Variants in TAFA1 observed in about 807,000 individuals in gnomAD.
TAFA1 encodes the protein TAFA chemokine like family member 1, also known as chemokine-like protein TAFA-1.
TAFA1 carries 4 observed loss-of-function variants against 18.5 expected under a neutral mutation model. That is an observed-to-expected ratio of 0.22 (90% CI 0.11 to 0.49). TAFA1 has a LOEUF of 0.49. TAFA1 is among the 20% of genes least tolerant of loss of function. The pLI, the probability that TAFA1 is intolerant of heterozygous loss-of-function variation, is 0.98. For synonymous variants in TAFA1, 56 were observed against 55.2 expected, an observed-to-expected ratio of 1.01 and a Z score of -0.06; for missense variants, 147 against 169.0, an observed-to-expected ratio of 0.87 and a Z score of 0.72.
chr3:68,538,793 G>T lies in TAFA1; in HGVS notation c.297G>T (p.Glu99Asp), dbSNP rs767581993. 3.1e-6 allele frequency: 5 copies of T among 1,613,436 alleles called. No homozygotes were observed. The highest frequency in any genetic ancestry group is 8.5e-7 in the Non-Finnish European group (1 of 1,179,634). The change falls in exon 4 of 5, where the codon GAG becomes GAT. Residue 99 changes from glutamate (E) to aspartate (D), a missense_variant. Transcript: ENST00000478136. ...IVIGKWWCEM[E>D]PCLEGEECKT... ...TTGGGAAATGGTGGTGTGAGATGGA[G>T]CCTTGCCTAGAAGGAGAAGAATGTA... is the stretch of plus-strand genomic sequence containing the variant.
chr3:68,216,629 A>T (rs1442361606), intron 2 of TAFA1, among the ~76,000 whole-genome samples: 1 of 152,122 alleles, frequency 6.6e-6, no homozygotes, highest in African/African-American at 2.4e-5. Flanking sequence ...AGTTTCCAAT[A>T]GTATGACTCA....
chr3:68,109,799 G>C (rs753647020), intron 2 of TAFA1, among the ~76,000 whole-genome samples: 17 of 152,072 alleles, frequency 1.1e-4, no homozygotes, highest in African/African-American at 2.4e-5. Flanking sequence ...TGTTTAGAGA[G>C]AATGGTAGAG....
chr3:68,509,902 A>G (rs1479950529), intron 3 of TAFA1, among the ~76,000 whole-genome samples: 1 of 152,152 alleles, frequency 6.6e-6, no homozygotes, highest in African/African-American at 2.4e-5. Flanking sequence ...TGCTGAGGCA[A>G]CTGGCTCCAG....
intron 2 of TAFA1, among the ~76,000 whole-genome samples, chr3:68,190,805 T>C (rs538922125): frequency 1.3e-5 from 2 of 151,986 alleles, no homozygotes; most frequent in Admixed American, 6.6e-5. Flanking sequence ...GATAAATTTT[T>C]CATTTATTCC....
chr3:68,368,793 G>T (rs1248220441), intron 2 of TAFA1, among the ~76,000 whole-genome samples: 1 of 152,154 alleles, frequency 6.6e-6, no homozygotes, highest in Non-Finnish European at 1.5e-5. Context: ...GGGAAAATGA[G>T]GGGCAACACA....
At chr3:68,365,743 A>G (rs1472132076) in intron 2 of TAFA1, among the ~76,000 whole-genome samples, 1 of 152,154 alleles carries the variant, frequency 6.6e-6, no homozygotes, top group Non-Finnish European at 1.5e-5. Context: ...ATAATACATG[A>G]TAGCAGCCAA....
At chr3:68,069,360 T>C (rs1008489838) in intron 2 of TAFA1, among the ~76,000 whole-genome samples, 2 of 152,172 alleles carry the variant, frequency 1.3e-5, no homozygotes, top group African/African-American at 2.4e-5. Context: ...GTCCCCCTTA[T>C]AGAACCATCA....
intron 2 of TAFA1, among the ~76,000 whole-genome samples, chr3:68,282,315 G>T (rs1352934455): frequency 1.3e-5 from 2 of 152,182 alleles, no homozygotes; most frequent in South Asian, 4.2e-4. Context: ...ATGGACAACA[G>T]GCATTGCACA....
rs563389310 is a variant in TAFA1 at position 68,530,421 on chromosome 3, C to T, written c.260-8335C>T. Among the ~76,000 whole-genome samples, 11 of 152,304 alleles carry T rather than the reference C, an allele frequency of 7.2e-5. No individual in the cohort carries two copies. In the South Asian group the frequency reaches 1.7e-3, roughly 23 times the overall value. On this transcript the variant is annotated intron_variant, in intron 3 of 4. Coordinates refer to ENST00000478136, the MANE Select transcript of TAFA1 (RefSeq NM_213609.4). ...CTAGTATAAGGGAAAAATCAAGACT[C>T]ATGATTAAAGAAGCTTTAGTGATTT...
chr3:68,059,324 A>G (rs1333081553), intron 2 of TAFA1, among the ~76,000 whole-genome samples: 2 of 152,188 alleles, frequency 1.3e-5, no homozygotes, highest in African/African-American at 2.4e-5. Flanking sequence ...TTTGTTCCTT[A>G]TAACAACCCT....
intron 3 of TAFA1, among the ~76,000 whole-genome samples, chr3:68,427,862 T>C (rs2071087487): frequency 6.6e-6 from 1 of 151,882 alleles, no homozygotes; most frequent in South Asian, 2.1e-4. Flanking sequence ...ATCTGATGGT[T>C]TTATAAAGGG....
Position 68,075,158 on chromosome 3 carries a change from T to G in TAFA1, c.118+68414T>G, listed in dbSNP as rs577228514. ...ATATTGCACTGAGACTGGCCAGAGG[T>G]GGTGCCTACTTTGTACAGGTGGCAT... On this transcript the variant is annotated intron_variant, in intron 2 of 4. Coordinates refer to ENST00000478136, the MANE Select transcript of TAFA1 (RefSeq NM_213609.4). Among the ~76,000 whole-genome samples the G allele has an allele frequency of 4.6e-5, 7 of 152,322 alleles. No homozygotes were observed. In the South Asian group the frequency reaches 1.4e-3, roughly 32 times the overall value.
At chr3:68,027,065 C>A (rs940432167) in intron 2 of TAFA1, among the ~76,000 whole-genome samples, 1 of 151,894 alleles carries the variant, frequency 6.6e-6, no homozygotes, top group Admixed American at 6.6e-5. Context: ...AGTATCATGA[C>A]GATGGTACCA....
intron 2 of TAFA1, among the ~76,000 whole-genome samples, chr3:68,335,755 T>C (rs1398992945): frequency 6.6e-6 from 1 of 152,192 alleles, no homozygotes; most frequent in East Asian, 1.9e-4. Flanking sequence ...ATGATAGCAA[T>C]AGCTAGAATG....
intron 2 of TAFA1, among the ~76,000 whole-genome samples, chr3:68,105,365 C>T (rs1055203014): frequency 1.3e-5 from 2 of 152,048 alleles, no homozygotes; most frequent in East Asian, 1.9e-4. Flanking sequence ...GAAACACAGT[C>T]GTGTCAAAAT....
intron 2 of TAFA1, among the ~76,000 whole-genome samples, chr3:68,366,349 G>T (rs1441946583): frequency 6.6e-6 from 1 of 152,138 alleles, no homozygotes; most frequent in African/African-American, 2.4e-5. Context: ...TGAGTGTGAA[G>T]GAAAACAGCT....
intron 2 of TAFA1, among the ~76,000 whole-genome samples, chr3:68,361,158 A>C (rs1050522572): frequency 2.0e-5 from 3 of 150,550 alleles, no homozygotes; most frequent in African/African-American, 7.3e-5. Context: ...GAAAAAAAAC[A>C]GCATTATAAA....
chr3:68,254,109 GTA>G, intron 2 of TAFA1, among the ~76,000 whole-genome samples: 1 of 107,010 alleles, frequency 9.3e-6, no homozygotes. Flanking sequence ...ACCTGTCTAT[GTA>G]TGTATGTATG....
chr3:68,270,082 T>C (rs1035060951), intron 2 of TAFA1, among the ~76,000 whole-genome samples: 3 of 152,182 alleles, frequency 2.0e-5, no homozygotes, highest in African/African-American at 7.2e-5. Context: ...CTCCCTTTCT[T>C]TGTGCCAAAG....
Sources: gnomAD v4.1 joint callset for allele counts (sites outside exome capture counted in the v4.1 genomes callset) on GRCh38, gnomAD v4.1.1 for gene constraint, MANE v1.5 for transcripts, NCBI Gene and HGNC (gene_info 2026-07-23, HGNC 2026-07-21) for gene names.